The following GABPB1 variants were observed in gnomAD, a reference collection of about 807,000 sequenced individuals.
GABPB1 encodes GA-binding protein subunit beta-1.
GABPB1 carries 15 observed loss-of-function variants against 45.9 expected under a neutral mutation model. That is an observed-to-expected ratio of 0.33 (90% CI 0.22 to 0.50). The LOEUF is 0.50. Among genes scored for constraint, GABPB1 ranks in the 20% least tolerant of loss-of-function variants. The probability of loss-of-function intolerance (pLI) is 0.98; values close to 1 mark genes in which losing one functional copy is unlikely to be tolerated. For synonymous variants in GABPB1, 143 were observed against 154.4 expected, an observed-to-expected ratio of 0.93 and a Z score of 0.55; for missense variants, 252 against 457.5, an observed-to-expected ratio of 0.55 and a Z score of 4.10.
chr15:50,297,148 T>C (rs2046546130), intron 6 of GABPB1, among the ~76,000 whole-genome samples: 1 of 151,750 alleles, frequency 6.6e-6, no homozygotes, highest in Non-Finnish European at 1.5e-5. Flanking sequence ...TGACCCCAAA[T>C]GATCCACCCA....
rs959616508 is a variant in GABPB1 at position 50,332,419 on chromosome 15, C to A, written c.-1+22566G>T. On this transcript the variant is annotated intron_variant, in intron 1 of 8. Coordinates refer to ENST00000380877, the MANE Select transcript of GABPB1 (RefSeq NM_016654.5). Reference sequence around the variant, plus strand: ...ACATCAACAAAATGCAATATGTAGACCCTGTTTGGATTCCAGTTTGAAGAA... The same window carrying A: ...ACATCAACAAAATGCAATATGTAGAACCTGTTTGGATTCCAGTTTGAAGAA... 1.3e-5 allele frequency among the ~76,000 whole-genome samples: 2 copies of A among 152,050 alleles called. 1 individual carries two copies. The highest frequency in any genetic ancestry group is 4.1e-4 in the South Asian group (2 of 4,824).
intron 1 of GABPB1, among the ~76,000 whole-genome samples, chr15:50,320,062 G>A (rs920230878): frequency 6.6e-5 from 10 of 152,036 alleles, no homozygotes; most frequent in African/African-American, 2.4e-4. Context: ...GGGGTCAGGC[G>A]GGTGGGCAAA....
At chr15:50,281,433 A>T (rs150877724) in intron 8 of GABPB1, among the ~76,000 whole-genome samples, 5 of 152,142 alleles carry the variant, frequency 3.3e-5, no homozygotes, top group African/African-American at 7.2e-5. Context: ...GGATGGTCTC[A>T]ATCTCCTGAC....
intron 8 of GABPB1, among the ~76,000 whole-genome samples, chr15:50,283,329 T>A (rs183281370): frequency 5.9e-4 from 90 of 152,112 alleles, no homozygotes; most frequent in African/African-American, 2.1e-3. Flanking sequence ...TGCAATTTGG[T>A]ATTTTATTCA....
intron 6 of GABPB1, among the ~76,000 whole-genome samples, chr15:50,299,309 C>CA (rs2046641110): frequency 6.6e-6 from 1 of 152,202 alleles, no homozygotes; most frequent in African/African-American, 2.4e-5. Flanking sequence ...ATAATAATTA[C>CA]ATCAAGAAGT....
intron 2 of GABPB1, among the ~76,000 whole-genome samples, 178 bp from the exon 3 acceptor site, chr15:50,304,311 C>T (rs2046864523): frequency 1.3e-5 from 2 of 152,134 alleles, no homozygotes; most frequent in South Asian, 2.1e-4. Flanking sequence ...AATTCCCAAA[C>T]ACTCTCAATG....
rs775073809 is a variant in GABPB1, at chr15:50,335,895, CA to C, written c.-1+19089del. 7.0e-3 allele frequency among the ~76,000 whole-genome samples: 553 copies of C among 79,310 alleles called. 1 individual carries two copies. The highest frequency in any genetic ancestry group is 9.1e-3 in the Non-Finnish European group (383 of 42,196). The allele number at this position is 79,310 out of a possible 152,430, so 52.0% of individuals were successfully genotyped here. On this transcript the variant is annotated intron_variant, in intron 1 of 8. Transcript: ENST00000380877. ...TGGGTGAGACAGCAAGACTCCGACT[CA>C]AAAAAAAAAAAAAAAAAAAAAGAAG...
At chr15:50,354,508 G>A in intron 1 of GABPB1, 1 of 449,266 alleles carries the variant, frequency 2.2e-6, no homozygotes, top group South Asian at 1.6e-5. Flanking sequence ...GGGCCGTCAG[G>A]CTGCCGAGAC....
chr15:50,304,181 A>G (rs2046859059), intron 2 of GABPB1, 48 bp from the exon 3 acceptor site: 1 of 1,482,226 alleles, frequency 6.7e-7, no homozygotes, highest in African/African-American at 1.4e-5. Context: ...TATTGTTACT[A>G]CACTTCTGTT....
intron 1 of GABPB1, among the ~76,000 whole-genome samples, chr15:50,310,044 TAA>T (rs1475133693): frequency 6.6e-6 from 1 of 152,220 alleles, no homozygotes; most frequent in Non-Finnish European, 1.5e-5. Context: ...ATACATCTGG[TAA>T]AAGATAGAAG....
At chr15:50,315,707 A>G (rs1370448999) in intron 1 of GABPB1, among the ~76,000 whole-genome samples, 1 of 152,260 alleles carries the variant, frequency 6.6e-6, no homozygotes, top group Non-Finnish European at 1.5e-5. Context: ...CTCAGTTGTA[A>G]TAAGACAACT....
chr15:50,316,919 A>G (rs2047351951), intron 1 of GABPB1, among the ~76,000 whole-genome samples: 1 of 152,034 alleles, frequency 6.6e-6, no homozygotes, highest in Non-Finnish European at 1.5e-5. Context: ...AACTCCACCC[A>G]TTGTTTTCAA....
Position 50,301,375 on chromosome 15 carries a change from A to G in GABPB1, c.472-7T>C. 1.2e-6 allele frequency: 2 copies of G among 1,601,466 alleles called. No individual in the cohort carries two copies. Among genetic ancestry groups the G allele is most frequent in the South Asian group, 1.1e-5 (1 of 89,556 alleles). Reference sequence around the variant, plus strand: ...TTTGGTTCTGCATAGCAATCTAGGGAAAAAATGACCACAGTGTTTTCAGAA... The same window carrying G: ...TTTGGTTCTGCATAGCAATCTAGGGGAAAAATGACCACAGTGTTTTCAGAA... On this transcript the variant is annotated splice_region_variant and splice_polypyrimidine_tract_variant and intron_variant, in intron 4 of 8. Coordinates refer to ENST00000380877, the MANE Select transcript of GABPB1 (RefSeq NM_016654.5).
intron 7 of GABPB1, among the ~76,000 whole-genome samples, chr15:50,288,679 G>A (rs1209675681): frequency 6.6e-6 from 1 of 152,122 alleles, no homozygotes; most frequent in East Asian, 1.9e-4. Context: ...GTTTTTCTCA[G>A]CCTTTTAGTT....
At chr15:50,308,016 TC>T (rs937728245) in intron 2 of GABPB1, among the ~76,000 whole-genome samples, 4 of 152,168 alleles carry the variant, frequency 2.6e-5, no homozygotes, top group Non-Finnish European at 5.9e-5. Flanking sequence ...ATTTTTTTTT[TC>T]ATACCTTTCA....
intron 6 of GABPB1, among the ~76,000 whole-genome samples, chr15:50,295,125 C>G (rs1391538426): frequency 6.6e-6 from 1 of 152,180 alleles, no homozygotes; most frequent in Admixed American, 6.5e-5. Flanking sequence ...AATTCTATAT[C>G]CCAAATAACC....
At chr15:50,354,403 T>TCCCGCCGCGACCCGAGCGCCTCTCGGC (rs1476397232) in intron 1 of GABPB1, 1 of 450,760 alleles carries the variant, frequency 2.2e-6, no homozygotes. Context: ...GTCCGGCCGA[T>TCCCGCCGCGACCCGAGCGCCTCTCGGC]CCCGCCGCGA....
intron 1 of GABPB1, among the ~76,000 whole-genome samples, chr15:50,310,279 G>A (rs1039202960): frequency 6.6e-6 from 1 of 152,092 alleles, no homozygotes; most frequent in African/African-American, 2.4e-5. Flanking sequence ...TTTCAGTAGA[G>A]ACAGGGTTTC....
At chr15:50,333,792 G>A (rs1219936043) in intron 1 of GABPB1, among the ~76,000 whole-genome samples, 1 of 152,136 alleles carries the variant, frequency 6.6e-6, no homozygotes, top group African/African-American at 2.4e-5. Flanking sequence ...ACTTTGGGAG[G>A]CTGAGGCATA....
Sources: gnomAD v4.1 joint callset for allele counts (sites outside exome capture counted in the v4.1 genomes callset) on GRCh38, gnomAD v4.1.1 for gene constraint, MANE v1.5 for transcripts, NCBI Gene and HGNC (gene_info 2026-07-23, HGNC 2026-07-21) for gene names.